COL22A1: variants seen among roughly 807,000 people sequenced by gnomAD.
The protein encoded by COL22A1 is collagen type XXII alpha 1 chain.
A neutral mutation model predicts 248.9 loss-of-function variants in COL22A1; 221 were observed. The ratio of observed to expected loss-of-function variants is 0.89; its 90% CI spans 0.80 to 0.99. COL22A1 has a LOEUF of 0.99. COL22A1 is among the 50% of genes least tolerant of loss of function. COL22A1 has a pLI of 0.00. For missense variants in COL22A1, 2,240 were observed against 2,179.0 expected (o/e 1.03, Z -0.56); for synonymous variants, 891 against 793.4 (o/e 1.12, Z -2.07).
At chr8:138,809,871 T>C (rs1818059139) in intron 9 of COL22A1, among the ~76,000 whole-genome samples, 2 of 152,178 alleles carry the variant, frequency 1.3e-5, no homozygotes, top group African/African-American at 4.8e-5. Flanking sequence ...GACTTATATA[T>C]CAACTCAGCT....
intron 30 of COL22A1, among the ~76,000 whole-genome samples, chr8:138,713,965 T>C (rs1458044428): frequency 6.6e-6 from 1 of 152,108 alleles, no homozygotes; most frequent in African/African-American, 2.4e-5. Context: ...GAGGTGAAAA[T>C]AGTAAGGGAC....
intron 3 of COL22A1, among the ~76,000 whole-genome samples, chr8:138,873,509 CACA>C (rs1321086017): frequency 6.6e-6 from 1 of 152,142 alleles, no homozygotes; most frequent in Non-Finnish European, 1.5e-5. Flanking sequence ...ACTGAGGTAC[CACA>C]AGGAACAGAC....
intron 59 of COL22A1, 132 bp downstream of exon 59, chr8:138,604,602 G>C: frequency 2.6e-6 from 2 of 773,234 alleles, no homozygotes; most frequent in Non-Finnish European, 2.2e-6. Context: ...AAGGCATTAA[G>C]AATTTCAAAA....
At chr8:138,756,330 A>G (rs1833001102) in intron 18 of COL22A1, among the ~76,000 whole-genome samples, 1 of 152,140 alleles carries the variant, frequency 6.6e-6, no homozygotes, top group South Asian at 2.1e-4. Context: ...ATTTTCATTA[A>G]GTCACTTTAT....
chr8:138,691,612 T>G (rs902138182), intron 35 of COL22A1, among the ~76,000 whole-genome samples: 15 of 151,686 alleles, frequency 9.9e-5, no homozygotes, highest in Non-Finnish European at 1.5e-4. Flanking sequence ...TGCATGCATG[T>G]GTGCACGTTT....
intron 35 of COL22A1, among the ~76,000 whole-genome samples, chr8:138,691,498 C>A (rs1368672814): frequency 1.2e-5 from 1 of 84,204 alleles, no homozygotes; most frequent in African/African-American, 4.3e-5. Context: ...TGTATGTGTG[C>A]ACGTCCATGT....
chr8:138,660,989 CACACAT>C (rs1161836405), intron 43 of COL22A1, among the ~76,000 whole-genome samples: 15 of 143,690 alleles, frequency 1.0e-4, no homozygotes, highest in African/African-American at 2.3e-4. Context: ...CACACACATA[CACACAT>C]ACACATACAC....
intron 3 of COL22A1, among the ~76,000 whole-genome samples, chr8:138,860,394 C>G (rs577520990): frequency 6.6e-6 from 1 of 152,154 alleles, no homozygotes; most frequent in East Asian, 1.9e-4. Context: ...CCAGACTGAG[C>G]GAGCCAGCAC....
At chr8:138,744,480 A>C (rs1054943644) in intron 22 of COL22A1, among the ~76,000 whole-genome samples, 12 of 143,400 alleles carry the variant, frequency 8.4e-5, no homozygotes, top group East Asian at 1.9e-4. Flanking sequence ...ACACACACAC[A>C]CCACACACAC....
At chr8:138,651,453 C>A (rs1190695447) in intron 45 of COL22A1, among the ~76,000 whole-genome samples, 1 of 152,170 alleles carries the variant, frequency 6.6e-6, no homozygotes, top group Non-Finnish European at 1.5e-5. Context: ...ATTAACTGTC[C>A]ACCTGACATT....
intron 12 of COL22A1, among the ~76,000 whole-genome samples, chr8:138,782,223 G>A (rs1815076961): frequency 6.6e-6 from 1 of 152,172 alleles, no homozygotes; most frequent in Admixed American, 6.5e-5. Context: ...TCCTGGCTGT[G>A]AGACCTTTTC....
intron 41 of COL22A1, among the ~76,000 whole-genome samples, chr8:138,665,706 T>C (rs1420515668): frequency 6.6e-6 from 1 of 151,980 alleles, no homozygotes. Context: ...CACAAGGACA[T>C]AACAAGTGGT....
rs977036861 is a variant in COL22A1 at position 138,764,784 on chromosome 8, C to A, written c.1804-2318G>T. Among the ~76,000 whole-genome samples, 5 of 151,988 alleles carry A rather than the reference C, an allele frequency of 3.3e-5. No homozygotes were observed. The South Asian group carries it at 1.0e-3, about 32-fold the overall frequency. ...GACCACCCTGGCCAACATGGTGAAA[C>A]CCCATCTCTACTGAAAAATACAAAA... is the stretch of plus-strand genomic sequence containing the variant. On this transcript the variant is annotated intron_variant, in intron 16 of 64. Coordinates refer to ENST00000303045, the MANE Select transcript of COL22A1 (RefSeq NM_152888.3).
chr8:138,802,305 T>C (rs1056410649), intron 11 of COL22A1, among the ~76,000 whole-genome samples: 1 of 152,032 alleles, frequency 6.6e-6, no homozygotes, highest in Non-Finnish European at 1.5e-5. Flanking sequence ...GATTCATGAA[T>C]ACAATTCATG....
chr8:138,780,926 C>T lies in COL22A1; in HGVS notation c.1650+1G>A, dbSNP rs867539936. The T allele has an allele frequency of 6.2e-7, 1 of 1,613,228 alleles. No individual in the cohort carries two copies. Among genetic ancestry groups the T allele is most frequent in the Non-Finnish European group, 8.5e-7 (1 of 1,179,384 alleles). On this transcript the variant is annotated splice_donor_variant, in intron 13 of 64. Coordinates refer to ENST00000303045, the MANE Select transcript of COL22A1 (RefSeq NM_152888.3). LOFTEE classifies it high-confidence loss of function. ...GCCAGGGCAGACGGAACAGAACTTA[C>T]TCTCATGCCTTTGCTGCCGTCTCTC...
chr8:138,847,729 G>A (rs1411922968), intron 3 of COL22A1, among the ~76,000 whole-genome samples: 1 of 151,902 alleles, frequency 6.6e-6, no homozygotes, highest in African/African-American at 2.4e-5. Context: ...CATAATGTTT[G>A]GGGGACTGTC....
intron 3 of COL22A1, among the ~76,000 whole-genome samples, chr8:138,868,396 C>A (rs1823061928): frequency 6.6e-6 from 1 of 152,118 alleles, no homozygotes; most frequent in African/African-American, 2.4e-5. Flanking sequence ...CCCTACCCAA[C>A]AGCATACAGG....
At chr8:138,722,857 G>GGA (rs138116731) in intron 25 of COL22A1, among the ~76,000 whole-genome samples, 2 of 125,390 alleles carry the variant, frequency 1.6e-5, no homozygotes, top group African/African-American at 5.9e-5. Flanking sequence ...GGGCGGGGGG[G>GGA]GGGTGGTGGA....
chr8:138,707,191 C>T (rs187379856), intron 30 of COL22A1, among the ~76,000 whole-genome samples: 108 of 152,220 alleles, frequency 7.1e-4, no homozygotes, highest in South Asian at 1.5e-3. Context: ...CATTCACAGC[C>T]GAATTCTACC....
Sources: gnomAD v4.1 joint callset for allele counts (sites outside exome capture counted in the v4.1 genomes callset) on GRCh38, gnomAD v4.1.1 for gene constraint, MANE v1.5 for transcripts, NCBI Gene and HGNC (gene_info 2026-07-23, HGNC 2026-07-21) for gene names.